Variants in PLCD4 observed in about 807,000 individuals in gnomAD.
PLCD4 encodes phospholipase C delta 4.
Under a neutral mutation model 90.2 loss-of-function variants are expected in PLCD4, and 63 were observed. The ratio of observed to expected loss-of-function variants is 0.70; its 90% CI spans 0.57 to 0.86. The LOEUF is 0.86. PLCD4 is among the 40% of genes least tolerant of loss of function. The pLI, the probability that PLCD4 is intolerant of heterozygous loss-of-function variation, is 0.00. For synonymous variants in PLCD4, 294 were observed against 356.5 expected, an observed-to-expected ratio of 0.82 and a Z score of 1.97; for missense variants, 830 against 956.3, an observed-to-expected ratio of 0.87 and a Z score of 1.74.
Position 218,630,670 on chromosome 2 carries a change from C to T in PLCD4, c.1140C>T (p.Ile380=), listed in dbSNP as rs1696321699. ...ACCAGACATCAGACTACCCAGTCAT[C>T]TTGTCCCTGGAGACCCACTGCAGCT... ...YAFQTSDYPV[I]LSLETHCSWE... is the part of the protein sequence containing the mutation. Residue 380 remains isoleucine, a synonymous_variant, in exon 9 of 16, where the codon ATC becomes ATT. Coordinates refer to ENST00000450993, the MANE Select transcript of PLCD4 (RefSeq NM_032726.4). The T allele has an allele frequency of 1.2e-6, 2 of 1,614,058 alleles. No individual in the cohort carries two copies. The highest frequency in any genetic ancestry group is 1.7e-6 in the Non-Finnish European group (2 of 1,179,900).
chr2:218,632,357 T>C (rs181150746), intron 10 of PLCD4, 45 bp downstream of exon 10: 8 of 1,548,186 alleles, frequency 5.2e-6, no homozygotes, highest in East Asian at 2.4e-5. Flanking sequence ...AGTCAACTTA[T>C]GCAAGCTGAA....
chr2:218,633,145 G>A, intron 10 of PLCD4: 1 of 522,674 alleles, frequency 1.9e-6, no homozygotes, highest in African/African-American at 1.9e-5. Flanking sequence ...TTCCAGGTGT[G>A]ACTTACATGA....
chr2:218,633,614 C>G lies in PLCD4; in HGVS notation c.1459C>G (p.Pro487Ala). The G allele has an allele frequency of 2.5e-6, 4 of 1,613,498 alleles. No individual in the cohort carries two copies. The highest frequency in any genetic ancestry group is 2.2e-5 in the South Asian group (2 of 91,060). Reference protein sequence around the residue: ...QNKDKKKKSKPILCPALSSLV... With the variant: ...QNKDKKKKSKAILCPALSSLV... ...TTTCCACCTTCTCCAGAAATCCAAG[C>G]CCATCTTGTGTCCAGCCCTCTCTTC... is the stretch of plus-strand genomic sequence containing the variant. Residue 487 changes from proline to alanine, a missense_variant, in exon 11 of 16, where the codon CCC (proline) becomes GCC (alanine). Coordinates refer to ENST00000450993, the MANE Select transcript of PLCD4 (RefSeq NM_032726.4).
At position 218,635,911 on chromosome 2, in the gene PLCD4, C is replaced by T; in HGVS notation, c.2012C>T (p.Thr671Ile). 1 of 1,613,936 alleles carries T rather than the reference C, an allele frequency of 6.2e-7. No homozygotes were observed. The highest frequency in any genetic ancestry group is 8.5e-7 in the Non-Finnish European group (1 of 1,179,880). The change falls in exon 14 of 16, where the codon ACC (threonine) becomes ATC (isoleucine). Residue 671 changes from threonine (T) to isoleucine (I), a missense_variant. Coordinates refer to ENST00000450993, the MANE Select transcript of PLCD4 (RefSeq NM_032726.4). ...GVRLDTARQETNYVENNGFNP... is the reference protein window; with the variant it reads ...GVRLDTARQEINYVENNGFNP... ...CGTCTAGACACAGCACGGCAGGAGA[C>T]CAACTATGTGGAGAACAATGGTGAG...
chr2:218,620,467 C>T (rs1212421777), intron 4 of PLCD4, among the ~76,000 whole-genome samples: 1 of 151,722 alleles, frequency 6.6e-6, no homozygotes, highest in Non-Finnish European at 1.5e-5. Context: ...TGCCACTGCA[C>T]TCTAGCCTGG....
intron 4 of PLCD4, among the ~76,000 whole-genome samples, chr2:218,620,229 G>A (rs1391496352): frequency 1.3e-5 from 2 of 152,178 alleles, no homozygotes; most frequent in Non-Finnish European, 2.9e-5. Context: ...GCCAGGTGCA[G>A]TAGCTCACAC....
At chr2:218,617,717 C>T (rs996448568) in intron 3 of PLCD4, among the ~76,000 whole-genome samples, 7 of 152,100 alleles carry the variant, frequency 4.6e-5, no homozygotes, top group African/African-American at 9.7e-5. Flanking sequence ...CAATCCATAC[C>T]GCCCCCAGCT....
chr2:218,613,997 A>G (rs6756521), intron 1 of PLCD4, among the ~76,000 whole-genome samples: 6,115 of 151,388 alleles, frequency 0.04, 161 homozygotes, highest in East Asian at 0.12. Context: ...TTCACAGCAT[A>G]TATCTTTTCT....
At chr2:218,617,294 C>G (rs62191565) in intron 3 of PLCD4, among the ~76,000 whole-genome samples, 12 of 148,774 alleles carry the variant, frequency 8.1e-5, no homozygotes, top group Admixed American at 8.0e-4. Context: ...ACAAAAAATG[C>G]GGCTGGGTGT....
rs1311177568 is a variant in PLCD4, at chr2:218,622,800, C to CA, written c.696dup (p.Glu233ArgfsTer11). ...TCTGCTGGAATTTTTGGATTTCCTC[C>CA]AAGAGGAGCAGAAGGAGAGAGACTG... On this transcript the variant is annotated frameshift_variant, in exon 6 of 16. Coordinates refer to ENST00000450993, the MANE Select transcript of PLCD4 (RefSeq NM_032726.4). LOFTEE classifies it high-confidence loss of function. 7 of 1,613,962 alleles carry CA rather than the reference C, an allele frequency of 4.3e-6. No homozygotes were observed. In the South Asian group the frequency reaches 7.7e-5, roughly 18 times the overall value.
chr2:218,622,404 A>G (rs887354228), intron 5 of PLCD4: 6 of 335,306 alleles, frequency 1.8e-5, no homozygotes, highest in African/African-American at 4.3e-5. Context: ...GTTTTATGGA[A>G]GCATGTTTGG....
rs939598482 is a variant in PLCD4 at position 218,635,824 on chromosome 2, T to C, written c.1925T>C (p.Val642Ala). 45 of 1,613,470 alleles carry C rather than the reference T, an allele frequency of 2.8e-5. No individual in the cohort carries two copies. Among genetic ancestry groups the C allele is most frequent in the Admixed American group, 3.3e-5 (2 of 59,944 alleles). The change falls in exon 14 of 16, where the codon GTG (valine) becomes GCG (alanine). Residue 642 changes from valine to alanine, a missense_variant. Transcript: ENST00000450993. Reference sequence around the variant, plus strand: ...ATCAGCGGTCAGCAACTCCCCAAAGTGGACAAGACCAAAGAGGGGTCCATT... The same window carrying C: ...ATCAGCGGTCAGCAACTCCCCAAAGCGGACAAGACCAAAGAGGGGTCCATT... ...QVISGQQLPKVDKTKEGSIVD... is the reference protein window; with the variant it reads ...QVISGQQLPKADKTKEGSIVD...
intron 1 of PLCD4, among the ~76,000 whole-genome samples, chr2:218,612,884 G>A (rs932314243): frequency 1.3e-5 from 2 of 152,140 alleles, no homozygotes; most frequent in Non-Finnish European, 2.9e-5. Flanking sequence ...GACTTTATAG[G>A]GTCTTCCCAC....
Position 218,633,593 on chromosome 2 carries a change from C to T in PLCD4, c.1450-12C>T. 6.2e-7 allele frequency: 1 copy of T among 1,611,972 alleles called. No homozygotes were observed. The highest frequency in any genetic ancestry group is 8.5e-7 in the Non-Finnish European group (1 of 1,178,096). On this transcript the variant is annotated splice_polypyrimidine_tract_variant and intron_variant, in intron 10 of 15. Transcript: ENST00000450993. Reference sequence around the variant, plus strand: ...GAGGGTTCAATTCCATCTTCTTTTCCACCTTCTCCAGAAATCCAAGCCCAT... The same window carrying T: ...GAGGGTTCAATTCCATCTTCTTTTCTACCTTCTCCAGAAATCCAAGCCCAT...
At chr2:218,619,238 T>A (rs1695764453) in intron 4 of PLCD4, among the ~76,000 whole-genome samples, 1 of 151,426 alleles carries the variant, frequency 6.6e-6, no homozygotes, top group Non-Finnish European at 1.5e-5. Context: ...GCAGAATGTA[T>A]CAGGCACTAT....
intron 4 of PLCD4, among the ~76,000 whole-genome samples, chr2:218,621,108 T>A (rs13003001): frequency 0.04 from 6,122 of 152,068 alleles, 160 homozygotes; most frequent in East Asian, 0.12. Context: ...TTTTTTGTAT[T>A]TTTAGTGGAG....
chr2:218,634,592 C>G lies in PLCD4; in HGVS notation c.1858C>G (p.Pro620Ala), dbSNP rs375852416. 6.2e-7 allele frequency: 1 copy of G among 1,614,038 alleles called. No homozygotes were observed. Among genetic ancestry groups the G allele is most frequent in the Non-Finnish European group, 8.5e-7 (1 of 1,179,886 alleles). Residue 620 changes from proline (P) to alanine (A), a missense_variant, in exon 13 of 16, where the codon CCC becomes GCC. Transcript: ENST00000450993. The surrounding 1 kb of genome is among the most constrained non-coding windows in gnomAD (Gnocchi z 4.0). Reference sequence around the variant, plus strand: ...CCAGAGTTCTTTCCACCCTGAGAAGCCCATCAGCCCTTTCAAAGCCCAGAC... The same window carrying G: ...CCAGAGTTCTTTCCACCCTGAGAAGGCCATCAGCCCTTTCAAAGCCCAGAC... ...DIQSSFHPEK[P>A]ISPFKAQTLL...
chr2:218,613,563 G>A (rs868415196), intron 1 of PLCD4, among the ~76,000 whole-genome samples: 1 of 152,054 alleles, frequency 6.6e-6, no homozygotes. Flanking sequence ...GGTCAAGAAT[G>A]TTTTTTTGTT....
chr2:218,610,576 A>G (rs1416842977), intron 1 of PLCD4, among the ~76,000 whole-genome samples: 1 of 152,182 alleles, frequency 6.6e-6, no homozygotes, highest in African/African-American at 2.4e-5. Flanking sequence ...CAGAGTACAG[A>G]GGGAACAGAA....
Sources: allele counts gnomAD v4.1 joint callset (sites outside exome capture counted in the v4.1 genomes callset), GRCh38; gene constraint gnomAD v4.1.1; non-coding constraint Gnocchi (gnomAD v3.1); transcripts MANE v1.5; gene names NCBI Gene and HGNC (gene_info 2026-07-23, HGNC 2026-07-21).